ZC3H18: variants seen among roughly 807,000 people sequenced by gnomAD.
ZC3H18 encodes zinc finger CCCH-type containing 18.
Under a neutral mutation model 106.1 loss-of-function variants are expected in ZC3H18, and 8 were observed. The ratio of observed to expected loss-of-function variants is 0.08; its 90% CI spans 0.04 to 0.14. ZC3H18 has a LOEUF of 0.14. ZC3H18 is among the 10% of genes least tolerant of loss of function. ZC3H18 has a pLI of 1.00. For missense variants in ZC3H18, 1,318 were observed against 1,278.4 expected, an observed-to-expected ratio of 1.03 and a Z score of -0.47; for synonymous variants, 635 against 522.1, an observed-to-expected ratio of 1.22 and a Z score of -2.95.
In ZC3H18 at chr16:88,627,533, C is replaced by T. The variant is rs1319568685; in HGVS notation, c.2109-89C>T. The T allele has an allele frequency of 4.0e-6, 6 of 1,494,120 alleles. No homozygotes were observed. The highest frequency in any genetic ancestry group is 4.5e-6 in the Non-Finnish European group (5 of 1,110,228). The allele number at this position is 1,494,120 out of a possible 1,614,324, so 92.6% of individuals were successfully genotyped here. A position where few individuals can be genotyped will look rare whatever the true frequency, so the allele number is the denominator to read the frequency against. Reference sequence around the variant, plus strand: ...CGTGGGTACATGATCCATAAATGGACACTGCGTAAAAGTGGACCATGGAGC... The same window carrying T: ...CGTGGGTACATGATCCATAAATGGATACTGCGTAAAAGTGGACCATGGAGC... On this transcript the variant is annotated intron_variant, in intron 13 of 17. Coordinates refer to ENST00000301011, the MANE Select transcript of ZC3H18 (RefSeq NM_144604.4). The surrounding 1 kb of genome is among the most constrained non-coding windows in gnomAD (Gnocchi z 4.5).
chr16:88,592,438 G>A (rs1046778467), intron 3 of ZC3H18, among the ~76,000 whole-genome samples: 1 of 152,094 alleles, frequency 6.6e-6, no homozygotes, highest in Non-Finnish European at 1.5e-5. Flanking sequence ...GGACCCTGAG[G>A]TCAAAACTAT....
At chr16:88,629,093 C>G (rs1477838219) in intron 16 of ZC3H18, among the ~76,000 whole-genome samples, 3 of 152,244 alleles carry the variant, frequency 2.0e-5, no homozygotes, top group Non-Finnish European at 4.4e-5. Flanking sequence ...AATCCCAGCA[C>G]TTTGGGAGGC....
At chr16:88,623,820 C>T (rs1203564589) in intron 10 of ZC3H18, 138 bp from the exon 11 acceptor site, 1 of 1,418,596 alleles carries the variant, frequency 7.0e-7, no homozygotes, top group East Asian at 2.5e-5. Context: ...ACAGAACAGT[C>T]CAGAACTGAA....
At chr16:88,621,638 G>C (rs953406316) in intron 8 of ZC3H18, among the ~76,000 whole-genome samples, 1 of 152,118 alleles carries the variant, frequency 6.6e-6, no homozygotes, top group Non-Finnish European at 1.5e-5. Context: ...TTACAGGCAT[G>C]AGCCATCGCG....
At chr16:88,611,038 C>T (rs916159522) in intron 7 of ZC3H18, among the ~76,000 whole-genome samples, 5 of 152,190 alleles carry the variant, frequency 3.3e-5, no homozygotes. Flanking sequence ...GATGAGATCC[C>T]CACTTGAGGG....
intron 8 of ZC3H18, among the ~76,000 whole-genome samples, chr16:88,611,846 C>T (rs945795872): frequency 5.9e-5 from 9 of 152,202 alleles, no homozygotes; most frequent in Admixed American, 3.9e-4. Flanking sequence ...ATAGGCGCTG[C>T]CCTTGTATAC....
At chr16:88,606,118 T>C (rs149927084) in intron 6 of ZC3H18, among the ~76,000 whole-genome samples, 1 of 152,360 alleles carries the variant, frequency 6.6e-6, no homozygotes, top group East Asian at 1.9e-4. Flanking sequence ...AACCCTTTTC[T>C]CAAAAGGCCC....
rs540897428 is a variant in ZC3H18 at position 88,612,028 on chromosome 16, C to T, written c.1475+492C>T. On this transcript the variant is annotated intron_variant, in intron 8 of 17. Transcript: ENST00000301011. ...TAGCAGCCAGCATGCAGGGGAGGGC[C>T]GGGCGGGCTGCTGTTTTTCCTTTGC... 2.7e-5 allele frequency among the ~76,000 whole-genome samples: 4 copies of T among 146,630 alleles called. No homozygotes were observed. The South Asian group carries it at 9.6e-4, about 35-fold the overall frequency.
intron 1 of ZC3H18, chr16:88,571,535 C>A: frequency 1.3e-6 from 1 of 760,272 alleles, no homozygotes; most frequent in African/African-American, 1.9e-5. Flanking sequence ...ATTTTACTAT[C>A]TAAGGGCAGT....
rs779245532 is a variant in ZC3H18 at position 88,577,658 on chromosome 16, T to A, written c.535T>A (p.Ser179Thr). 6.2e-7 allele frequency: 1 copy of A among 1,613,650 alleles called. No individual in the cohort carries two copies. The highest frequency in any genetic ancestry group is 1.1e-5 in the South Asian group (1 of 91,072). Residue 179 changes from serine to threonine, a missense_variant, in exon 2 of 18, where the codon TCC becomes ACC. By Grantham distance (58) the Ser-to-Thr change is moderately conservative (BLOSUM62 1). Around this residue, in one of 6 missense-constraint regions of ZC3H18, gnomAD observed 346 missense variants for 269.0 expected, o/e 1.29. Coordinates refer to ENST00000301011, the MANE Select transcript of ZC3H18 (RefSeq NM_144604.4). ...TGTTCAGAGTGTGGGAGAAAAGGAA[T>A]CCCTGGAGGCTGCCAAGGAGAAAAA... ...AGVQSVGEKE[S>T]LEAAKEKKKE...
intron 2 of ZC3H18, among the ~76,000 whole-genome samples, chr16:88,580,465 C>T (rs762380778): frequency 3.3e-5 from 5 of 152,182 alleles, no homozygotes; most frequent in Non-Finnish European, 7.3e-5. Context: ...ATCAGCCCTC[C>T]ACCCTTGTGG....
intron 2 of ZC3H18, among the ~76,000 whole-genome samples, chr16:88,578,765 C>T (rs992730109): frequency 6.6e-6 from 1 of 152,156 alleles, no homozygotes; most frequent in African/African-American, 2.4e-5. Flanking sequence ...CATCTCAGCT[C>T]ACTACAGCCT....
intron 15 of ZC3H18, 178 bp from the exon 16 acceptor site, chr16:88,628,580 G>C (rs1906463064): frequency 1.6e-6 from 1 of 636,590 alleles, no homozygotes; most frequent in Non-Finnish European, 2.8e-6. Flanking sequence ...GTGCACAGTG[G>C]GGGTGCCCTT....
intron 16 of ZC3H18, chr16:88,630,179 G>C (rs968272599): frequency 5.8e-6 from 2 of 342,554 alleles, no homozygotes; most frequent in Non-Finnish European, 5.3e-6. Context: ...TTGTTGTTCC[G>C]TATTTGAAGA....
chr16:88,614,286 G>C (rs1319630920), intron 8 of ZC3H18, among the ~76,000 whole-genome samples: 2 of 152,242 alleles, frequency 1.3e-5, no homozygotes, highest in African/African-American at 4.8e-5. Context: ...AGACCTGGCA[G>C]CCATCAGGAC....
intron 8 of ZC3H18, among the ~76,000 whole-genome samples, chr16:88,618,665 G>A (rs1211342425): frequency 6.6e-6 from 1 of 152,332 alleles, no homozygotes; most frequent in East Asian, 1.9e-4. Context: ...TGGTGGTGGA[G>A]CTGACCTTTG....
chr16:88,625,413 C>A (rs139342425), intron 13 of ZC3H18, 146 bp downstream of exon 13: 10 of 950,024 alleles, frequency 1.1e-5, no homozygotes, highest in Non-Finnish European at 1.6e-5. Context: ...TGGAAGGCTG[C>A]GGTTGAAGCT....
At chr16:88,572,445 A>G (rs1036692645) in intron 1 of ZC3H18, among the ~76,000 whole-genome samples, 6 of 151,826 alleles carry the variant, frequency 4.0e-5, no homozygotes, top group Non-Finnish European at 5.9e-5. Flanking sequence ...TAGTTCCTCA[A>G]TTAACGAGTT....
intron 8 of ZC3H18, among the ~76,000 whole-genome samples, chr16:88,620,200 G>A (rs1905873213): frequency 2.0e-5 from 3 of 152,248 alleles, no homozygotes; most frequent in South Asian, 4.1e-4. Context: ...GTCGTGTGAC[G>A]TAAGCAGATG....
Sources: allele counts gnomAD v4.1 joint callset (sites outside exome capture counted in the v4.1 genomes callset), GRCh38; gene constraint gnomAD v4.1.1; regional missense constraint gnomAD v4.1.1; non-coding constraint Gnocchi (gnomAD v3.1); transcripts MANE v1.5; gene names NCBI Gene and HGNC (gene_info 2026-07-23, HGNC 2026-07-21).